Variants in PTPRE observed in about 807,000 individuals in gnomAD.
PTPRE encodes protein tyrosine phosphatase receptor type E, also known as receptor-type tyrosine-protein phosphatase epsilon.
PTPRE carries 51 observed loss-of-function variants against 102.0 expected under a neutral mutation model. That is an observed-to-expected ratio of 0.50 (90% CI 0.40 to 0.63). The LOEUF (loss-of-function observed/expected upper bound fraction) is 0.63. Ranked by LOEUF, PTPRE falls within the 30% of genes least tolerant of loss-of-function variation. The pLI, the probability that PTPRE is intolerant of heterozygous loss-of-function variation, is 0.00. For missense variants in PTPRE, 752 were observed against 915.1 expected (o/e 0.82, Z 2.30); for synonymous variants, 345 against 348.2 (o/e 0.99, Z 0.10).
intron 1 of PTPRE, chr10:127,965,034 C>T (rs189234014): frequency 1.3e-5 from 6 of 456,526 alleles, no homozygotes; most frequent in South Asian, 3.1e-5. Context: ...ATCTTTTTTC[C>T]TAATTTCTCA....
intron 1 of PTPRE, among the ~76,000 whole-genome samples, chr10:127,923,410 T>TC (rs1338302815): frequency 1.3e-5 from 2 of 150,350 alleles, no homozygotes; most frequent in Non-Finnish European, 3.0e-5. Context: ...TTTTTTTTTT[T>TC]TTTTTTTTTT....
intron 19 of PTPRE, 114 bp from the exon 20 acceptor site, chr10:128,079,433 GTCAAACTCAGATC>G: frequency 7.7e-7 from 1 of 1,295,430 alleles, no homozygotes. Flanking sequence ...AAAAAATTCA[GTCAAACTCAGATC>G]ATTTTCAGCG....
At chr10:127,992,658 G>A (rs1387079927) in intron 2 of PTPRE, among the ~76,000 whole-genome samples, 1 of 152,150 alleles carries the variant, frequency 6.6e-6, no homozygotes, top group Non-Finnish European at 1.5e-5. Context: ...TCCTTTTGCT[G>A]ATGCACCTGC....
intron 1 of PTPRE, among the ~76,000 whole-genome samples, chr10:127,977,517 C>T (rs1313300029): frequency 6.6e-6 from 1 of 152,162 alleles, no homozygotes; most frequent in African/African-American, 2.4e-5. Context: ...ATGCTTGTGG[C>T]GCCTTAAGCC....
intron 10 of PTPRE, among the ~76,000 whole-genome samples, chr10:128,064,265 G>C (rs977220076): frequency 1.5e-4 from 23 of 152,242 alleles, no homozygotes; most frequent in African/African-American, 5.5e-4. Context: ...ACAGGAAGCA[G>C]CCTCCAGCCA....
chr10:128,020,901 C>CT (rs966287148), intron 2 of PTPRE, among the ~76,000 whole-genome samples: 69 of 144,058 alleles, frequency 4.8e-4, no homozygotes, highest in Non-Finnish European at 6.4e-4. Flanking sequence ...TTTTTTTTTT[C>CT]TTTTTTTTTT....
chr10:128,016,374 C>T (rs1197703559), intron 2 of PTPRE, among the ~76,000 whole-genome samples: 9 of 152,192 alleles, frequency 5.9e-5, no homozygotes, highest in African/African-American at 2.2e-4. Context: ...ACCCCCAGCC[C>T]CCAGGTGGAG....
Position 128,065,586 on chromosome 10 carries a change from G to C in PTPRE, c.724-489G>C, listed in dbSNP as rs117548618. On this transcript the variant is annotated intron_variant, in intron 10 of 20. Transcript: ENST00000254667. The stretch of plus-strand genomic sequence containing the variant: ...ATGAAGATCGTTAGACCAATCATAG[G>C]TTCATCACTCTTGAATGGCAGACTG... Among the ~76,000 whole-genome samples, 1,184 of 152,302 alleles carry C rather than the reference G, an allele frequency of 7.8e-3. 7 individuals carry two copies. Among genetic ancestry groups the C allele is most frequent in the Non-Finnish European group, 0.013 (852 of 68,028 alleles).
At chr10:127,930,251 A>G (rs940977344) in intron 1 of PTPRE, among the ~76,000 whole-genome samples, 1 of 152,100 alleles carries the variant, frequency 6.6e-6, no homozygotes, top group African/African-American at 2.4e-5. Context: ...CCCCGAAAAA[A>G]AAAATCTGTC....
At chr10:127,933,484 C>T (rs571868823) in intron 1 of PTPRE, among the ~76,000 whole-genome samples, 7 of 152,262 alleles carry the variant, frequency 4.6e-5, no homozygotes, top group South Asian at 2.1e-4. Flanking sequence ...CAGCATGCCA[C>T]GCGTTCTGGA....
intron 1 of PTPRE, among the ~76,000 whole-genome samples, chr10:127,950,076 C>A (rs997072527): frequency 6.6e-6 from 1 of 151,998 alleles, no homozygotes; most frequent in Non-Finnish European, 1.5e-5. Flanking sequence ...AGACTGAAGT[C>A]CCAGCAGCCC....
chr10:127,935,411 G>A (rs192655191), intron 1 of PTPRE, among the ~76,000 whole-genome samples: 123 of 152,170 alleles, frequency 8.1e-4, no homozygotes, highest in African/African-American at 2.5e-3. Context: ...CCATTACCAG[G>A]GGCAACCGAT....
chr10:128,065,186 T>C (rs1244755451), intron 10 of PTPRE, among the ~76,000 whole-genome samples: 1 of 152,236 alleles, frequency 6.6e-6, no homozygotes, highest in Admixed American at 6.5e-5. Context: ...GATGCTGCTC[T>C]CTACTAAATA....
At chr10:127,913,404 A>G (rs2135140019) in intron 1 of PTPRE, among the ~76,000 whole-genome samples, 1 of 152,370 alleles carries the variant, frequency 6.6e-6, no homozygotes, top group South Asian at 2.1e-4. Context: ...GTTTTGTACT[A>G]GAGAGAAAAT....
At chr10:127,910,806 G>A (rs1057325532) in intron 1 of PTPRE, among the ~76,000 whole-genome samples, 7 of 152,154 alleles carry the variant, frequency 4.6e-5, no homozygotes, top group African/African-American at 1.2e-4. Context: ...GTTTGAGGCC[G>A]GGTGCAATGG....
chr10:128,001,348 G>A (rs1853868250), intron 2 of PTPRE, among the ~76,000 whole-genome samples: 2 of 152,198 alleles, frequency 1.3e-5, no homozygotes, highest in Non-Finnish European at 2.9e-5. Flanking sequence ...TCAGTGTGCT[G>A]GAGAAAGGCT....
chr10:127,990,411 C>CAAAA (rs60034358), intron 2 of PTPRE, among the ~76,000 whole-genome samples: 145 of 64,360 alleles, frequency 2.3e-3, no homozygotes, highest in East Asian at 3.9e-3. Context: ...GACTCCACCT[C>CAAAA]AAAAAAAAAA....
chr10:128,055,019 C>T (rs1848834662), intron 6 of PTPRE, among the ~76,000 whole-genome samples: 1 of 152,144 alleles, frequency 6.6e-6, no homozygotes, highest in South Asian at 2.1e-4. Context: ...TCAGTTTCCT[C>T]ACCCATAAAA....
In PTPRE at chr10:128,070,724, G is replaced by A; in HGVS notation, c.1294-84G>A. 3 of 1,441,736 alleles carry A rather than the reference G, an allele frequency of 2.1e-6. No homozygotes were observed. The highest frequency in any genetic ancestry group is 2.9e-6 in the Non-Finnish European group (3 of 1,043,726). The allele number at this position is 1,441,736 out of a possible 1,614,324, so 89.3% of individuals were successfully genotyped here. A position where few individuals can be genotyped will look rare whatever the true frequency, so the allele number is the denominator to read the frequency against. On this transcript the variant is annotated intron_variant, in intron 14 of 20. Coordinates refer to ENST00000254667, the MANE Select transcript of PTPRE (RefSeq NM_006504.6). The surrounding 1 kb of genome is among the most constrained non-coding windows in gnomAD (Gnocchi z 4.8). ...TGGTTTCCTTTGAGCAGGCGTCCTT[G>A]CCAGCAGCACTAGTCCTCGGCTGAG...
Sources: allele counts gnomAD v4.1 joint callset (sites outside exome capture counted in the v4.1 genomes callset), GRCh38; gene constraint gnomAD v4.1.1; non-coding constraint Gnocchi (gnomAD v3.1); transcripts MANE v1.5; gene names NCBI Gene and HGNC (gene_info 2026-07-23, HGNC 2026-07-21).